CYB5R1: variants seen among roughly 807,000 people sequenced by gnomAD.
CYB5R1 encodes the protein cytochrome b5 reductase 1, also known as NADH-cytochrome b5 reductase 1.
Under a neutral mutation model 37.4 loss-of-function variants are expected in CYB5R1, and 32 were observed. That is an observed-to-expected ratio of 0.86 (90% confidence interval 0.65 to 1.15). The LOEUF (loss-of-function observed/expected upper bound fraction) is 1.15, where lower values mean the gene tolerates loss of function less well. CYB5R1 is among the 50% of genes most tolerant of loss of function. CYB5R1 has a pLI of 0.00. For synonymous variants in CYB5R1, 159 were observed against 155.2 expected (o/e 1.02, Z -0.18); for missense variants, 345 against 382.5 (o/e 0.90, Z 0.82).
chr1:202,962,792 T>C, intron 8 of CYB5R1, 93 bp from the exon 9 acceptor site: 1 of 1,482,100 alleles, frequency 6.7e-7, no homozygotes, highest in Non-Finnish European at 9.3e-7. Context: ...CCTGAAAGGC[T>C]CTGGAGAAAG....
In CYB5R1 at chr1:202,962,696, C is replaced by G; in HGVS notation, c.749G>C (p.Trp250Ser). 1 of 1,614,016 alleles carries G rather than the reference C, an allele frequency of 6.2e-7. No individual in the cohort carries two copies. The highest frequency in any genetic ancestry group is 8.5e-7 in the Non-Finnish European group (1 of 1,179,984). ...WFTLDHPPKD[W>S]AYSKGFVTAD... ...AGTCACAAAGCCCTTGCTGTAGGCC[C>G]AATCTGAAGTATGGGGAGAAGAAAG... The change falls in exon 9 of 9, where the codon TGG becomes TCG. Residue 250 changes from tryptophan (W) to serine (S), a missense_variant. Coordinates refer to ENST00000367249, the MANE Select transcript of CYB5R1 (RefSeq NM_016243.3).
chr1:202,967,081 C>T, intron 1 of CYB5R1, 110 bp downstream of exon 1: 1 of 1,478,420 alleles, frequency 6.8e-7, no homozygotes, highest in South Asian at 1.2e-5. Context: ...ACGGTGGGCC[C>T]AGAGCCCTGC....
In CYB5R1 at chr1:202,963,049, A is replaced by G. The variant is rs1655023285; in HGVS notation, c.745+17T>C. 1 of 1,604,894 alleles carries G rather than the reference A, an allele frequency of 6.2e-7. No homozygotes were observed. Among genetic ancestry groups the G allele is most frequent in the African/African-American group, 1.3e-5 (1 of 74,726 alleles). ...ACGATGAGGGGATAGTGGGATGTCC[A>G]GAAATGGGAAGGATACCTTTTGGGG... On this transcript the variant is annotated intron_variant, in intron 8 of 8. Transcript: ENST00000367249.
At chr1:202,964,214 A>T (rs910311308) in intron 6 of CYB5R1, 1 of 199,198 alleles carries the variant, frequency 5.0e-6, no homozygotes, top group African/African-American at 2.3e-5. Flanking sequence ...TACCTACTTC[A>T]TAGATACCTA....
Position 202,966,615 on chromosome 1 carries a change from A to T in CYB5R1, c.166-15T>A. ...TGGCTCACAGTCTGGAGGGTGGAGGACACAAGTGTTTCACCAAGCGCGCCT... is the reference window on the plus strand; with the variant it reads ...TGGCTCACAGTCTGGAGGGTGGAGGTCACAAGTGTTTCACCAAGCGCGCCT... On this transcript the variant is annotated splice_polypyrimidine_tract_variant and intron_variant, in intron 2 of 8. Coordinates refer to ENST00000367249, the MANE Select transcript of CYB5R1 (RefSeq NM_016243.3). 6.2e-7 allele frequency: 1 copy of T among 1,614,104 alleles called. No individual in the cohort carries two copies. Among genetic ancestry groups the T allele is most frequent in the Non-Finnish European group, 8.5e-7 (1 of 1,180,010 alleles).
Position 202,963,340 on chromosome 1 carries a change from C to T in CYB5R1, c.646-175G>A, listed in dbSNP as rs1404548734. 1.3e-5 allele frequency: 8 copies of T among 605,176 alleles called. No individual in the cohort carries two copies. The East Asian group carries it at 2.2e-4, about 17-fold the overall frequency. 37.5% of individuals were successfully genotyped at this position (605,176 alleles called of 1,614,324 possible). On this transcript the variant is annotated intron_variant, in intron 7 of 8. Coordinates refer to ENST00000367249, the MANE Select transcript of CYB5R1 (RefSeq NM_016243.3). The stretch of plus-strand genomic sequence containing the variant: ...AGTTAGGATGAGGAGAAGAGGGGAA[C>T]AGCCTTTATCTACACATTATGAAGG...
At chr1:202,965,222 C>T (rs868329887) in intron 5 of CYB5R1, 149 bp downstream of exon 5, 5 of 906,056 alleles carry the variant, frequency 5.5e-6, no homozygotes, top group Middle Eastern at 3.2e-4. Flanking sequence ...AGAAACATGC[C>T]TTTCTATTGT....
At chr1:202,963,459 G>A (rs1231993362) in intron 7 of CYB5R1, 183 bp downstream of exon 7, 1 of 600,536 alleles carries the variant, frequency 1.7e-6, no homozygotes, top group African/African-American at 1.9e-5. Context: ...GACCAGGGAA[G>A]GAATTTGATT....
chr1:202,962,947 AC>A (rs1482503636), intron 8 of CYB5R1, 118 bp downstream of exon 8: 1 of 1,039,232 alleles, frequency 9.6e-7, no homozygotes, highest in South Asian at 1.3e-5. Context: ...GTGCACTCAG[AC>A]TTCCGAGTTG....
Position 202,966,527 on chromosome 1 carries a change from C to A in CYB5R1, c.238+1G>T, listed in dbSNP as rs201029781. ...AGGAGCCCATTCCACACTTTCCTTACCCACAGGCAGCCCCAGAGTGTGGTG... is the reference window on the plus strand; with the variant it reads ...AGGAGCCCATTCCACACTTTCCTTAACCACAGGCAGCCCCAGAGTGTGGTG... On this transcript the variant is annotated splice_donor_variant, in intron 3 of 8. Transcript: ENST00000367249. LOFTEE classifies it high-confidence loss of function. 3 of 1,614,176 alleles carry A rather than the reference C, an allele frequency of 1.9e-6. No homozygotes were observed. The East Asian group carries it at 6.7e-5, about 36-fold the overall frequency.
At chr1:202,966,488 A>T in intron 3 of CYB5R1, 40 bp downstream of exon 3, 1 of 1,605,204 alleles carries the variant, frequency 6.2e-7, no homozygotes, top group Non-Finnish European at 8.5e-7. Context: ...TCACCTTCTG[A>T]GGATACCAGG....
At chr1:202,962,871 G>T in intron 8 of CYB5R1, 172 bp from the exon 9 acceptor site, 1 of 955,248 alleles carries the variant, frequency 1.0e-6, no homozygotes, top group Non-Finnish European at 1.7e-6. Context: ...TAGCAGCACC[G>T]CCATCCCTGT....
At chr1:202,963,454 G>T (rs1655033113) in intron 7 of CYB5R1, 188 bp downstream of exon 7, 3 of 598,968 alleles carry the variant, frequency 5.0e-6, no homozygotes, top group Middle Eastern at 4.2e-4. Context: ...TTGGGGACCA[G>T]GGAAGGAATT....
chr1:202,965,616 G>T, intron 4 of CYB5R1, 116 bp from the exon 5 acceptor site: 3 of 1,133,220 alleles, frequency 2.6e-6, no homozygotes, highest in Non-Finnish European at 3.7e-6. Flanking sequence ...TCTTTTCCCC[G>T]TCTACATACT....
At position 202,963,098 on chromosome 1, in the gene CYB5R1, T is replaced by C. The variant is rs1558020072; in HGVS notation, c.713A>G (p.Lys238Arg). ...ELQARYPNRF[K>R]LWFTLDHPPK... ...GGGATGATCCAGAGTGAACCAGAGC[T>C]TAAAGCGATTGGGATAGCGGGCCTG... is the stretch of plus-strand genomic sequence containing the variant. Residue 238 changes from lysine (K) to arginine (R), a missense_variant, in exon 8 of 9, where the codon AAG (lysine) becomes AGG (arginine). Coordinates refer to ENST00000367249, the MANE Select transcript of CYB5R1 (RefSeq NM_016243.3). 2 of 1,614,130 alleles carry C rather than the reference T, an allele frequency of 1.2e-6. No individual in the cohort carries two copies. Among genetic ancestry groups the C allele is most frequent in the African/African-American group, 1.3e-5 (1 of 75,028 alleles).
Position 202,962,260 on chromosome 1 carries a change from CTTCT to C in CYB5R1, c.*263_*266del, listed in dbSNP as rs780004297. 1.3e-5 allele frequency: 5 copies of C among 399,064 alleles called. No homozygotes were observed. Among genetic ancestry groups the C allele is most frequent in the Non-Finnish European group, 2.2e-5 (5 of 225,472 alleles). 24.7% of individuals were successfully genotyped at this position (399,064 alleles called of 1,614,324 possible). A position where few individuals can be genotyped will look rare whatever the true frequency, so the allele number is the denominator to read the frequency against. ...TGGACCAAGCGTACATGCTCCCTTC[CTTCT>C]TACTCCATGGAAGAGACTGCTCCAT... On this transcript the variant is annotated 3_prime_UTR_variant, in exon 9 of 9. Transcript: ENST00000367249.
In CYB5R1 at chr1:202,966,766, G is replaced by C; in HGVS notation, c.148C>G (p.Arg50Gly). 6.2e-7 allele frequency: 1 copy of C among 1,614,066 alleles called. No individual in the cohort carries two copies. Among genetic ancestry groups the C allele is most frequent in the Non-Finnish European group, 8.5e-7 (1 of 1,179,958 alleles). The change falls in exon 2 of 9, where the codon CGA becomes GGA. Residue 50 changes from arginine to glycine, a missense_variant. Transcript: ENST00000367249. ...CAACTTACCGTCTTGTCTAGCAGTC[G>C]TAGCAGGTACTTTTCATTGGGGTCC... ...LLDPNEKYLL[R>G]LLDKTTVSHN...
intron 7 of CYB5R1, 70 bp from the exon 8 acceptor site, chr1:202,963,235 C>T: frequency 9.6e-7 from 1 of 1,044,198 alleles, no homozygotes; most frequent in Non-Finnish European, 1.4e-6. Flanking sequence ...TTCTGCTATA[C>T]AACTTTCCAA....
intron 4 of CYB5R1, 134 bp from the exon 5 acceptor site, chr1:202,965,634 T>C (rs1655074755): frequency 5.7e-6 from 4 of 707,070 alleles, no homozygotes; most frequent in Admixed American, 1.1e-4. Context: ...ACTTTCTTTC[T>C]TTCTTTTTTT....
Sources: allele counts gnomAD v4.1 joint callset, GRCh38; gene constraint gnomAD v4.1.1; transcripts MANE v1.5; gene names NCBI Gene and HGNC (gene_info 2026-07-23, HGNC 2026-07-21).